Variants in SAXO1 observed in about 807,000 individuals in gnomAD.
SAXO1 encodes the protein stabilizer of axonemal microtubules 1.
Under a neutral mutation model 17.5 loss-of-function variants are expected in SAXO1, and 21 were observed. The observed-to-expected ratio is 1.20, with a 90% CI of 0.85 to 1.72. The LOEUF (loss-of-function observed/expected upper bound fraction) is 1.72, where lower values mean the gene tolerates loss of function less well. SAXO1 is among the 40% of genes most tolerant of loss of function. The probability of loss-of-function intolerance (pLI) is 0.00; values close to 1 mark genes in which losing one functional copy is unlikely to be tolerated. For missense variants in SAXO1, 843 were observed against 596.0 expected (o/e 1.41, Z -4.32); for synonymous variants, 274 against 216.5 (o/e 1.27, Z -2.33).
chr9:19,042,486 T>C (rs779086940), intron 1 of SAXO1, among the ~76,000 whole-genome samples: 10 of 152,250 alleles, frequency 6.6e-5, no homozygotes, highest in Non-Finnish European at 1.0e-4. Flanking sequence ...AAGAGATAGC[T>C]GCACTCCTAT....
At position 18,928,509 on chromosome 9, in the gene SAXO1, C is replaced by A; in HGVS notation, c.968G>T (p.Arg323Leu). The change falls in exon 4 of 4, where the codon CGA becomes CTA. Residue 323 changes from arginine (R) to leucine (L), a missense_variant. Transcript: ENST00000380534. ...CPKGAPAQSC[R>L]PALQIKKCGR... ...GCACTTCTTAATCTGAAGTGCAGGT[C>A]GGCAGGACTGAGCTGGGGCACCCTT... The A allele has an allele frequency of 1.2e-6, 2 of 1,613,706 alleles. No homozygotes were observed. Among genetic ancestry groups the A allele is most frequent in the East Asian group, 2.2e-5 (1 of 44,834 alleles).
At chr9:19,015,466 C>T (rs1409057481) in intron 1 of SAXO1, among the ~76,000 whole-genome samples, 6 of 152,286 alleles carry the variant, frequency 3.9e-5, no homozygotes, top group Admixed American at 2.0e-4. Context: ...GCCTCCACTT[C>T]CCAAGTAGCT....
intron 1 of SAXO1, among the ~76,000 whole-genome samples, chr9:18,997,856 C>T (rs1834073971): frequency 6.6e-6 from 1 of 152,136 alleles, no homozygotes; most frequent in African/African-American, 2.4e-5. Context: ...CAGCAAACTC[C>T]AACAGACATG....
intron 1 of SAXO1, among the ~76,000 whole-genome samples, chr9:18,992,287 C>G (rs1189384161): frequency 6.6e-6 from 1 of 152,184 alleles, no homozygotes; most frequent in Non-Finnish European, 1.5e-5. Flanking sequence ...GGGTGAAATT[C>G]TGCTCCATGT....
chr9:19,026,343 T>C (rs1251361612), intron 1 of SAXO1, among the ~76,000 whole-genome samples: 1 of 152,188 alleles, frequency 6.6e-6, no homozygotes, highest in Admixed American at 6.5e-5. Flanking sequence ...TAAAATTTAA[T>C]TGATTGACCT....
intron 1 of SAXO1, among the ~76,000 whole-genome samples, chr9:18,988,108 C>G (rs1038110193): frequency 6.6e-6 from 1 of 152,122 alleles, no homozygotes; most frequent in African/African-American, 2.4e-5. Context: ...ACAGCAGGCC[C>G]TTACAGCTTA....
intron 1 of SAXO1, among the ~76,000 whole-genome samples, chr9:19,046,686 G>C (rs1836224425): frequency 6.9e-6 from 1 of 144,918 alleles, no homozygotes; most frequent in African/African-American, 2.6e-5. Flanking sequence ...TGGGCAACAA[G>C]AGCAAAACTT....
At chr9:19,008,495 T>C (rs1044958501) in intron 1 of SAXO1, among the ~76,000 whole-genome samples, 7 of 152,156 alleles carry the variant, frequency 4.6e-5, no homozygotes, top group African/African-American at 1.7e-4. Flanking sequence ...GAAAGCTATT[T>C]TGAAGCCCAT....
intron 1 of SAXO1, among the ~76,000 whole-genome samples, chr9:18,966,532 G>A (rs771072471): frequency 1.3e-5 from 2 of 151,936 alleles, no homozygotes; most frequent in African/African-American, 2.4e-5. Flanking sequence ...TGATCAATTT[G>A]GCTATTGATA....
At chr9:18,982,994 G>C (rs866406293) in intron 1 of SAXO1, among the ~76,000 whole-genome samples, 1 of 152,134 alleles carries the variant, frequency 6.6e-6, no homozygotes. Context: ...AGGAAATCAG[G>C]AAGGGCTTCA....
At chr9:19,016,222 G>A (rs910369051) in intron 1 of SAXO1, among the ~76,000 whole-genome samples, 1 of 152,166 alleles carries the variant, frequency 6.6e-6, no homozygotes, top group Admixed American at 6.5e-5. Flanking sequence ...GATCCACTGA[G>A]GTCGGGAGTT....
At chr9:18,963,513 C>T (rs1278659369) in intron 1 of SAXO1, among the ~76,000 whole-genome samples, 2 of 152,172 alleles carry the variant, frequency 1.3e-5, no homozygotes, top group African/African-American at 2.4e-5. Context: ...AGAGGTCCTT[C>T]ATATCCTTTG....
At chr9:18,968,892 C>A (rs972822611) in intron 1 of SAXO1, among the ~76,000 whole-genome samples, 1 of 152,096 alleles carries the variant, frequency 6.6e-6, no homozygotes, top group African/African-American at 2.4e-5. Context: ...CTGCACCCAA[C>A]CAAAAATATC....
intron 3 of SAXO1, among the ~76,000 whole-genome samples, chr9:18,939,424 A>T (rs1053798917): frequency 6.6e-6 from 1 of 152,248 alleles, no homozygotes; most frequent in African/African-American, 2.4e-5. Context: ...CAGCCTGGCC[A>T]TTAAAGGAAG....
intron 3 of SAXO1, among the ~76,000 whole-genome samples, chr9:18,933,817 T>A (rs569150843): frequency 6.6e-6 from 1 of 152,124 alleles, no homozygotes; most frequent in Non-Finnish European, 1.5e-5. Flanking sequence ...GAGGCCAAGG[T>A]GGGCTGATCA....
chr9:19,039,632 T>A (rs1836027342), intron 1 of SAXO1, among the ~76,000 whole-genome samples: 1 of 152,218 alleles, frequency 6.6e-6, no homozygotes, highest in African/African-American at 2.4e-5. Flanking sequence ...TATGCAATAA[T>A]TTACTTCTAC....
intron 1 of SAXO1, among the ~76,000 whole-genome samples, chr9:19,009,039 A>C (rs1361194251): frequency 1.3e-5 from 2 of 152,212 alleles, no homozygotes; most frequent in Admixed American, 6.5e-5. Flanking sequence ...AAAAATGTCT[A>C]GTTCGCTTTC....
Position 19,028,051 on chromosome 9 carries a change from A to T in SAXO1, c.38+4820T>A. The T allele has an allele frequency of 2.5e-6, 4 of 1,611,500 alleles. No individual in the cohort carries two copies. The South Asian group carries it at 4.4e-5, about 18-fold the overall frequency. ...TATGATCGCACTGCGCAGGGGTGCCACGGAGCTCACCCACGAGGACTACAT... is the reference window on the plus strand; with the variant it reads ...TATGATCGCACTGCGCAGGGGTGCCTCGGAGCTCACCCACGAGGACTACAT... On this transcript the variant is annotated intron_variant, in intron 1 of 3. Coordinates refer to ENST00000380534, the MANE Select transcript of SAXO1 (RefSeq NM_153707.4).
rs151135981 is a variant in SAXO1, at chr9:18,961,700, G to A, written c.39-10763C>T. Among the ~76,000 whole-genome samples, 1,090 of 152,288 alleles carry A rather than the reference G, an allele frequency of 7.2e-3. 14 individuals are homozygous for A. Among genetic ancestry groups the A allele is most frequent in the Non-Finnish European group, 0.012 (819 of 68,022 alleles). On this transcript the variant is annotated intron_variant, in intron 1 of 3. Transcript: ENST00000380534. ...TTTTATGGCTGCACAGTATTCCATGGTGTATATGTGCCACATTTTCTTAAT... is the reference window on the plus strand; with the variant it reads ...TTTTATGGCTGCACAGTATTCCATGATGTATATGTGCCACATTTTCTTAAT...
Sources: allele counts gnomAD v4.1 joint callset (sites outside exome capture counted in the v4.1 genomes callset), GRCh38; gene constraint gnomAD v4.1.1; transcripts MANE v1.5; gene names NCBI Gene and HGNC (gene_info 2026-07-23, HGNC 2026-07-21).